Variants in PTPRG observed in about 807,000 individuals in gnomAD.
The protein encoded by PTPRG is protein tyrosine phosphatase receptor type G, also known as receptor-type tyrosine-protein phosphatase gamma.
A neutral mutation model predicts 165.3 loss-of-function variants in PTPRG; 102 were observed. The ratio of observed to expected loss-of-function variants is 0.62; its 90% CI spans 0.53 to 0.73. PTPRG has a LOEUF of 0.73. Among genes scored for constraint, PTPRG ranks in the 30% least tolerant of loss-of-function variants. PTPRG has a pLI of 0.00. For synonymous variants in PTPRG, 675 were observed against 669.5 expected (o/e 1.01, Z -0.13); for missense variants, 1,866 against 1,861.4 (o/e 1.00, Z -0.05).
rs181874850 is a variant in PTPRG at position 62,105,108 on chromosome 3, T to C, written c.615+26850T>C. On this transcript the variant is annotated intron_variant, in intron 5 of 29. Transcript: ENST00000474889. Reference sequence around the variant, plus strand: ...GTCATTTTGGAATGGTGAATTGCTGTATTTTTTATTAATGGATCTGGAAAC... The same window carrying C: ...GTCATTTTGGAATGGTGAATTGCTGCATTTTTTATTAATGGATCTGGAAAC... 2.0e-3 allele frequency among the ~76,000 whole-genome samples: 304 copies of C among 152,322 alleles called. 1 individual carries two copies. The highest frequency in any genetic ancestry group is 3.6e-3 in the Non-Finnish European group (246 of 68,028).
intron 4 of PTPRG, among the ~76,000 whole-genome samples, chr3:62,036,009 G>C (rs1193705997): frequency 2.7e-5 from 4 of 148,676 alleles, no homozygotes; most frequent in African/African-American, 1.0e-4. Flanking sequence ...CTATGTGCCA[G>C]ACAGTGCTCT....
rs1380942629 is a variant in PTPRG at position 62,267,675 on chromosome 3, C to G, written c.2740-10C>G. 1.9e-6 allele frequency: 3 copies of G among 1,608,142 alleles called. No individual in the cohort carries two copies. The highest frequency in any genetic ancestry group is 1.7e-5 in the Admixed American group (1 of 58,874). The stretch of plus-strand genomic sequence containing the variant: ...GCTTTCATCTCACTTTGTGCTGTGT[C>G]ATTTTGAAGGGTTACAACAAAGCAA... On this transcript the variant is annotated splice_polypyrimidine_tract_variant and intron_variant, in intron 18 of 29. Transcript: ENST00000474889.
intron 6 of PTPRG, among the ~76,000 whole-genome samples, chr3:62,140,507 A>G (rs930186825): frequency 6.6e-6 from 1 of 152,164 alleles, no homozygotes; most frequent in Non-Finnish European, 1.5e-5. Flanking sequence ...AAGTGTGAGA[A>G]CAGGTCCATC....
intron 1 of PTPRG, among the ~76,000 whole-genome samples, chr3:61,745,051 C>CTTTTTTTTTTTTTTT (rs10669472): frequency 3.6e-5 from 4 of 111,624 alleles, no homozygotes; most frequent in African/African-American, 6.8e-5. Context: ...CATTCCCTCA[C>CTTTTTTTTTTTTTTT]TTTTTTTTTT....
chr3:61,743,049 C>T (rs2033058887), intron 1 of PTPRG: 1 of 1,597,314 alleles, frequency 6.3e-7, no homozygotes, highest in Non-Finnish European at 8.6e-7. Flanking sequence ...TGCGCTGGTT[C>T]CGGTGCAGGA....
At chr3:61,660,976 C>G (rs1292224051) in intron 1 of PTPRG, among the ~76,000 whole-genome samples, 2 of 152,206 alleles carry the variant, frequency 1.3e-5, no homozygotes, top group Non-Finnish European at 2.9e-5. Flanking sequence ...GCACTCCAGC[C>G]TGGGCCATAG....
intron 2 of PTPRG, among the ~76,000 whole-genome samples, chr3:61,902,274 G>C (rs969177853): frequency 1.3e-5 from 2 of 152,172 alleles, no homozygotes; most frequent in African/African-American, 4.8e-5. Flanking sequence ...TGTTTGGAAA[G>C]AATTAGGTGG....
rs575687068 is a variant in PTPRG at position 61,758,672 on chromosome 3, C to T, written c.190+9690C>T. Among the ~76,000 whole-genome samples the T allele has an allele frequency of 1.5e-4, 23 of 152,132 alleles. No individual in the cohort carries two copies. In the East Asian group the frequency reaches 2.5e-3, roughly 17 times the overall value. ...TTCACCATATTGGCCAGGCTGGTCTCGAACTCCCGACCTCAGGTGATCCGC... is the reference window on the plus strand; with the variant it reads ...TTCACCATATTGGCCAGGCTGGTCTTGAACTCCCGACCTCAGGTGATCCGC... On this transcript the variant is annotated intron_variant, in intron 2 of 29. Coordinates refer to ENST00000474889, the MANE Select transcript of PTPRG (RefSeq NM_002841.4).
In PTPRG at chr3:61,952,286, G is replaced by T. The variant is rs150648902; in HGVS notation, c.191-37339G>T. ...AAGCCAGGATTTTGAAGTTCTTGGG[G>T]GCAATTTTGCTTTAAGCAGTGTTAG... On this transcript the variant is annotated intron_variant, in intron 2 of 29. Transcript: ENST00000474889. 1.2e-4 allele frequency among the ~76,000 whole-genome samples: 18 copies of T among 152,186 alleles called. No homozygotes were observed. In the East Asian group the frequency reaches 3.5e-3, roughly 29 times the overall value.
At chr3:62,109,379 C>G (rs921736115) in intron 5 of PTPRG, among the ~76,000 whole-genome samples, 3 of 152,062 alleles carry the variant, frequency 2.0e-5, no homozygotes, top group Non-Finnish European at 4.4e-5. Flanking sequence ...ATTTCTGAGG[C>G]CTCTGTTCTG....
chr3:62,143,011 A>G (rs1703987198), intron 6 of PTPRG, among the ~76,000 whole-genome samples: 1 of 152,206 alleles, frequency 6.6e-6, no homozygotes, highest in Non-Finnish European at 1.5e-5. Context: ...GACCCAGCCC[A>G]GAGTCTAACC....
chr3:62,133,830 A>G (rs1407207093), intron 6 of PTPRG, among the ~76,000 whole-genome samples: 1 of 152,046 alleles, frequency 6.6e-6, no homozygotes, highest in East Asian at 1.9e-4. Flanking sequence ...ACTAAATACA[A>G]AAATTAGCTG....
chr3:61,565,433 T>C (rs1699886975), intron 1 of PTPRG, among the ~76,000 whole-genome samples: 1 of 152,146 alleles, frequency 6.6e-6, no homozygotes, highest in South Asian at 2.1e-4. Flanking sequence ...AACTCAATCT[T>C]CTCTCATCTC....
At chr3:61,671,254 G>T (rs1702978241) in intron 1 of PTPRG, among the ~76,000 whole-genome samples, 2 of 151,144 alleles carry the variant, frequency 1.3e-5, no homozygotes, top group Non-Finnish European at 2.9e-5. Flanking sequence ...GTGAACAAAG[G>T]TCTCTGGTTT....
At chr3:62,184,128 A>T (rs1559616634) in intron 8 of PTPRG, among the ~76,000 whole-genome samples, 1 of 152,076 alleles carries the variant, frequency 6.6e-6, no homozygotes, top group Non-Finnish European at 1.5e-5. Context: ...GGGTGAATGG[A>T]GCCCAGCTCT....
intron 4 of PTPRG, among the ~76,000 whole-genome samples, chr3:62,028,328 C>T (rs1020709170): frequency 1.3e-5 from 2 of 152,148 alleles, no homozygotes; most frequent in African/African-American, 4.8e-5. Flanking sequence ...ACAGCCTATA[C>T]ATTTTTAAGA....
At chr3:61,975,361 G>C (rs771946105) in intron 2 of PTPRG, among the ~76,000 whole-genome samples, 11 of 152,138 alleles carry the variant, frequency 7.2e-5, no homozygotes, top group Non-Finnish European at 1.3e-4. Context: ...CAAATGTCTG[G>C]TAACAGCTAG....
intron 15 of PTPRG, among the ~76,000 whole-genome samples, chr3:62,250,939 T>A (rs1040024522): frequency 8.5e-5 from 13 of 152,218 alleles, no homozygotes; most frequent in African/African-American, 2.9e-4. Flanking sequence ...TCTGGGAACT[T>A]ACTTAAGGGT....
intron 1 of PTPRG, among the ~76,000 whole-genome samples, chr3:61,692,835 A>T (rs543912032): frequency 6.6e-6 from 1 of 152,300 alleles, no homozygotes; most frequent in East Asian, 1.9e-4. Context: ...TGCAGGTCAC[A>T]GGGGATATGA....
Sources: gnomAD v4.1 joint callset for allele counts (sites outside exome capture counted in the v4.1 genomes callset) on GRCh38, gnomAD v4.1.1 for gene constraint, MANE v1.5 for transcripts, NCBI Gene and HGNC (gene_info 2026-07-23, HGNC 2026-07-21) for gene names.